PIK3CA: variants seen among roughly 807,000 people sequenced by gnomAD.
The protein encoded by PIK3CA is phosphatidylinositol-4,5-bisphosphate 3-kinase catalytic subunit alpha.
In PIK3CA, 27 loss-of-function variants were observed where a neutral mutation model predicts 138.2. The ratio of observed to expected loss-of-function variants is 0.20; its 90% CI spans 0.14 to 0.27. PIK3CA has a LOEUF of 0.27. PIK3CA is among the 10% of genes least tolerant of loss of function. The pLI is 1.00. For missense variants in PIK3CA, 544 were observed against 1,277.4 expected, an observed-to-expected ratio of 0.43 and a Z score of 8.75; for synonymous variants, 358 against 413.2, an observed-to-expected ratio of 0.87 and a Z score of 1.62.
At chr3:179,193,392 A>T (rs1276252848) in intron 1 of PIK3CA, among the ~76,000 whole-genome samples, 1 of 152,150 alleles carries the variant, frequency 6.6e-6, no homozygotes, top group Non-Finnish European at 1.5e-5. Context: ...GAAGAAGGAG[A>T]TGCTACTGTA....
chr3:179,151,636 C>CCTGG (rs1367400526), intron 1 of PIK3CA, among the ~76,000 whole-genome samples: 1 of 152,084 alleles, frequency 6.6e-6, no homozygotes, highest in East Asian at 1.9e-4. Flanking sequence ...GATGTAAAGC[C>CCTGG]CTGGCTGTCA....
chr3:179,229,887 T>C, intron 18 of PIK3CA, 117 bp from the exon 19 acceptor site: 1 of 629,440 alleles, frequency 1.6e-6, no homozygotes, highest in Non-Finnish European at 2.7e-6. Context: ...ATTTCCTTAT[T>C]CGTTGTCAGT....
intron 20 of PIK3CA, 130 bp from the exon 21 acceptor site, chr3:179,233,964 G>A (rs1725273346): frequency 3.3e-6 from 2 of 613,790 alleles, no homozygotes; most frequent in Non-Finnish European, 5.7e-6. Context: ...TAAGAGAAGT[G>A]AGAGAGGAAT....
intron 1 of PIK3CA, among the ~76,000 whole-genome samples, chr3:179,175,783 T>C (rs1410156125): frequency 6.6e-6 from 1 of 152,142 alleles, no homozygotes; most frequent in African/African-American, 2.4e-5. Flanking sequence ...CTTTTATCTT[T>C]ACAGTTTCTT....
chr3:179,225,418 A>G (rs1253112616), intron 16 of PIK3CA, among the ~76,000 whole-genome samples: 1 of 152,134 alleles, frequency 6.6e-6, no homozygotes, highest in Non-Finnish European at 1.5e-5. Context: ...AGGATCATGG[A>G]TGGGTTTTCA....
intron 1 of PIK3CA, among the ~76,000 whole-genome samples, chr3:179,157,556 A>T (rs1043015377): frequency 6.6e-6 from 1 of 152,130 alleles, no homozygotes; most frequent in Non-Finnish European, 1.5e-5. Context: ...GCACAGTTAA[A>T]TGTATCATGC....
intron 6 of PIK3CA, among the ~76,000 whole-genome samples, chr3:179,205,461 C>A (rs1291927963): frequency 6.6e-6 from 1 of 152,108 alleles, no homozygotes; most frequent in Non-Finnish European, 1.5e-5. Context: ...GCATTTTATT[C>A]TTTTCCTGTC....
At position 179,204,541 on chromosome 3, in the gene PIK3CA, C is replaced by G. The variant is rs1442927984; in HGVS notation, c.1098C>G (p.Pro366=). The G allele has an allele frequency of 6.3e-7, 1 of 1,593,712 alleles. No individual in the cohort carries two copies. The highest frequency in any genetic ancestry group is 8.6e-7 in the Non-Finnish European group (1 of 1,161,870). ...CAGGTATCTACCATGGAGGAGAACC[C>G]TTATGTGACAATGTGAACACTCAAA... is the stretch of plus-strand genomic sequence containing the variant. ...VRTGIYHGGE[P]LCDNVNTQRV... The change falls in exon 6 of 21, where the codon CCC becomes CCG. Residue 366 remains proline (P), a synonymous_variant. Transcript: ENST00000263967.
At position 179,182,679 on chromosome 3, in the gene PIK3CA, A is replaced by G. The variant is rs1723879216; in HGVS notation, c.-76-16071A>G. 2.0e-5 allele frequency among the ~76,000 whole-genome samples: 3 copies of G among 152,100 alleles called. No individual in the cohort carries two copies. In the South Asian group the frequency reaches 6.2e-4, roughly 32 times the overall value. Reference sequence around the variant, plus strand: ...GAGAGAGACCCTGTCTCAAAAAAAAAGGGTAATATTCTACTCACTGATCAT... The same window carrying G: ...GAGAGAGACCCTGTCTCAAAAAAAAGGGGTAATATTCTACTCACTGATCAT... On this transcript the variant is annotated intron_variant, in intron 1 of 20. Transcript: ENST00000263967.
Position 179,170,357 on chromosome 3 carries a change from A to C in PIK3CA, c.-77+21754A>C, listed in dbSNP as rs74833247. Among the ~76,000 whole-genome samples the C allele has an allele frequency of 7.7e-3, 1,167 of 152,304 alleles. 16 individuals carry two copies. The highest frequency in any genetic ancestry group is 0.027 in the African/African-American group (1,129 of 41,562). On this transcript the variant is annotated intron_variant, in intron 1 of 20. Coordinates refer to ENST00000263967, the MANE Select transcript of PIK3CA (RefSeq NM_006218.4). The stretch of plus-strand genomic sequence containing the variant: ...TGACCACTCACTCACATTCTCCCCA[A>C]AGTGAAGCCAATGTTGGTAACGGAG...
At position 179,219,877 on chromosome 3, in the gene PIK3CA, C is replaced by G. The variant is rs563562356; in HGVS notation, c.1912-72C>G. 4.0e-5 allele frequency: 63 copies of G among 1,580,952 alleles called. No individual in the cohort carries two copies. Among genetic ancestry groups the G allele is most frequent in the Non-Finnish European group, 5.4e-5 (63 of 1,168,300 alleles). On this transcript the variant is annotated intron_variant, in intron 12 of 20. Coordinates refer to ENST00000263967, the MANE Select transcript of PIK3CA (RefSeq NM_006218.4). This position sits in a 1 kb window ranked among gnomAD's most constrained non-coding sequence, Gnocchi z 4.2. ...AATTATTACCAGTAATATCCACTTT[C>G]TTTCTGAAAAAATTTTCTTTAGATC...
At chr3:179,170,852 T>A (rs1255003125) in intron 1 of PIK3CA, among the ~76,000 whole-genome samples, 1 of 151,744 alleles carries the variant, frequency 6.6e-6, no homozygotes, top group Non-Finnish European at 1.5e-5. Context: ...TTTAGAAGAG[T>A]TGGAGATTTT....
intron 1 of PIK3CA, among the ~76,000 whole-genome samples, chr3:179,182,257 C>A (rs1038872975): frequency 6.6e-6 from 1 of 152,096 alleles, no homozygotes; most frequent in Non-Finnish European, 1.5e-5. Context: ...AAGTTTTTGT[C>A]AGTTGATAAG....
intron 1 of PIK3CA, among the ~76,000 whole-genome samples, chr3:179,160,105 T>C (rs1463979422): frequency 6.6e-6 from 1 of 152,130 alleles, no homozygotes; most frequent in Non-Finnish European, 1.5e-5. Context: ...TGATGAACAC[T>C]GCACCCTTAG....
chr3:179,148,138 C>A (rs1336601772), upstream of PIK3CA: 2 of 152,204 alleles, frequency 1.3e-5, no homozygotes, highest in Non-Finnish European at 2.9e-5. Context: ...AGGCTCTGCC[C>A]CTCCTCAGCT....
At chr3:179,229,695 CAA>C (rs1417500788) in intron 18 of PIK3CA, among the ~76,000 whole-genome samples, 2 of 152,002 alleles carry the variant, frequency 1.3e-5, no homozygotes, top group South Asian at 2.1e-4. Flanking sequence ...CTTTTTAAAA[CAA>C]ATGAATATTG....
chr3:179,174,868 C>A (rs1723656474), intron 1 of PIK3CA, among the ~76,000 whole-genome samples: 1 of 152,316 alleles, frequency 6.6e-6, no homozygotes, highest in Non-Finnish European at 1.5e-5. Context: ...TCTCAGAAAT[C>A]TGCTTAGTTA....
rs1327253616 is a variant in PIK3CA, at chr3:179,235,122, T to TA, written c.*773dup. 4,390 of 155,594 alleles carry TA rather than the reference T, an allele frequency of 0.028. 43 individuals carry two copies. The highest frequency in any genetic ancestry group is 0.049 in the Middle Eastern group (21 of 432). The allele number at this position is 155,594 out of a possible 1,614,324, so 9.6% of individuals were successfully genotyped here. Reference sequence around the variant, plus strand: ...AGGGAAATTCTGGGCTCCCACAAAGTAAAAAAAAAAAAAAATCATAGAAAA... The same window carrying TA: ...AGGGAAATTCTGGGCTCCCACAAAGTAAAAAAAAAAAAAAAATCATAGAAAA... On this transcript the variant is annotated 3_prime_UTR_variant, in exon 21 of 21. Transcript: ENST00000263967.
chr3:179,228,674 A>G (rs976835260), intron 17 of PIK3CA, among the ~76,000 whole-genome samples: 1 of 152,096 alleles, frequency 6.6e-6, no homozygotes, highest in Admixed American at 6.6e-5. Flanking sequence ...ATTTTTTTAA[A>G]TGTGAAAGAA....
Sources: allele counts gnomAD v4.1 joint callset (sites outside exome capture counted in the v4.1 genomes callset), GRCh38; gene constraint gnomAD v4.1.1; non-coding constraint Gnocchi (gnomAD v3.1); transcripts MANE v1.5; gene names NCBI Gene and HGNC (gene_info 2026-07-23, HGNC 2026-07-21).